The following SMAP2 variants were observed in gnomAD, a reference collection of about 807,000 sequenced individuals.
SMAP2 encodes the protein small ArfGAP2, also known as stromal membrane-associated protein 2.
SMAP2 carries 25 observed loss-of-function variants against 56.4 expected under a neutral mutation model. The ratio of observed to expected loss-of-function variants is 0.44; its 90% confidence interval spans 0.32 to 0.62. SMAP2 has a LOEUF of 0.62. SMAP2 is among the 20% of genes least tolerant of loss of function. The pLI is 0.04. For synonymous variants in SMAP2, 157 were observed against 181.7 expected (o/e 0.86, Z 1.09); for missense variants, 388 against 545.6 (o/e 0.71, Z 2.88).
Position 40,422,131 on chromosome 1 carries a change from C to A in SMAP2, c.*30C>A. On this transcript the variant is annotated 3_prime_UTR_variant, in exon 10 of 10. Coordinates refer to ENST00000372718, the MANE Select transcript of SMAP2 (RefSeq NM_022733.3). ...AAAACACCTGTATGGCTGCCATTCT[C>A]TTCAGCCCTCGCTCTCCCCTTTCCA... 6.2e-7 allele frequency: 1 copy of A among 1,611,898 alleles called. No homozygotes were observed. The highest frequency in any genetic ancestry group is 1.1e-5 in the South Asian group (1 of 90,902).
chr1:40,398,467 A>G (rs752275955), intron 1 of SMAP2, among the ~76,000 whole-genome samples: 1 of 152,202 alleles, frequency 6.6e-6, no homozygotes, highest in African/African-American at 2.4e-5. Flanking sequence ...TAAAATTACT[A>G]TATCATGGAG....
intron 1 of SMAP2, chr1:40,403,543 A>T (rs758380185): frequency 1.2e-3 from 507 of 411,978 alleles, no homozygotes; most frequent in Non-Finnish European, 1.6e-3. Context: ...GTGGTGTTGC[A>T]TAGAGTGTTG....
At chr1:40,418,799 C>A (rs892221663) in intron 9 of SMAP2, among the ~76,000 whole-genome samples, 1 of 152,158 alleles carries the variant, frequency 6.6e-6, no homozygotes, top group Non-Finnish European at 1.5e-5. Flanking sequence ...AAGTATTTTA[C>A]AACCAAGCCA....
chr1:40,409,672 C>A, intron 3 of SMAP2, 85 bp from the exon 4 acceptor site: 1 of 943,032 alleles, frequency 1.1e-6, no homozygotes, highest in Non-Finnish European at 1.7e-6. Flanking sequence ...AGGAGGAGAA[C>A]AATGCTCCGT....
At chr1:40,366,003 T>C (rs984269003) in intron 2 of SMAP2, among the ~76,000 whole-genome samples, 2 of 143,990 alleles carry the variant, frequency 1.4e-5, no homozygotes, top group Non-Finnish European at 3.1e-5. Context: ...AGAGAAGTGC[T>C]TAAAGGAGCT....
At chr1:40,346,661 C>A (rs2124148919) in intron 1 of SMAP2, among the ~76,000 whole-genome samples, 1 of 151,908 alleles carries the variant, frequency 6.6e-6, no homozygotes, top group African/African-American at 2.4e-5. Context: ...TGAGCCACTG[C>A]ACATAACCAA....
At chr1:40,406,966 A>G (rs1644891423) in intron 2 of SMAP2, 97 bp downstream of exon 2, 3 of 1,349,566 alleles carry the variant, frequency 2.2e-6, no homozygotes, top group Admixed American at 4.8e-5. Context: ...GTGAAGATAA[A>G]GGAAAATTTA....
intron 1 of SMAP2, among the ~76,000 whole-genome samples, chr1:40,352,824 G>A (rs535565173): frequency 2.6e-5 from 4 of 152,070 alleles, no homozygotes; most frequent in African/African-American, 4.8e-5. Context: ...CACCACACGC[G>A]GCGCCTCCTC....
chr1:40,405,247 G>T (rs1015393354), intron 1 of SMAP2, among the ~76,000 whole-genome samples: 1 of 152,138 alleles, frequency 6.6e-6, no homozygotes. Context: ...CCAGCACTTC[G>T]GGAGGCCAAA....
intron 1 of SMAP2, among the ~76,000 whole-genome samples, chr1:40,399,563 G>C (rs1042536839): frequency 2.0e-5 from 3 of 148,666 alleles, no homozygotes; most frequent in African/African-American, 7.5e-5. Flanking sequence ...TCAGCTGAGC[G>C]TGGTGGCTCA....
rs917660699 is a variant in SMAP2, at chr1:40,347,857, G to A, written c.-83+2947G>A. Reference sequence around the variant, plus strand: ...ATCTTTAAAAACATACATTAAATGTGTGTGTGTGTGTGTCTGTGTGTGAGA... The same window carrying A: ...ATCTTTAAAAACATACATTAAATGTATGTGTGTGTGTGTCTGTGTGTGAGA... On this transcript the variant is annotated intron_variant, in intron 1 of 6. Coordinates refer to the SMAP2 transcript ENST00000435168. 5.9e-5 allele frequency among the ~76,000 whole-genome samples: 9 copies of A among 152,252 alleles called. 1 individual carries two copies. In the South Asian group the frequency reaches 1.9e-3, roughly 32 times the overall value.
chr1:40,382,121 C>CT (rs957616836), intron 1 of SMAP2, among the ~76,000 whole-genome samples: 8 of 152,006 alleles, frequency 5.3e-5, no homozygotes, highest in Admixed American at 3.9e-4. Context: ...GGAAAACTAC[C>CT]TTTTTTCTGC....
intron 2 of SMAP2, among the ~76,000 whole-genome samples, chr1:40,366,045 C>G (rs1181367780): frequency 6.8e-6 from 1 of 147,604 alleles, no homozygotes; most frequent in Non-Finnish European, 1.5e-5. Context: ...TCGAGAACTA[C>G]GTGAAGAATG....
chr1:40,407,510 A>T (rs1163639116), intron 2 of SMAP2, among the ~76,000 whole-genome samples: 1 of 152,136 alleles, frequency 6.6e-6, no homozygotes, highest in Non-Finnish European at 1.5e-5. Flanking sequence ...ATAAATAAAA[A>T]TTCACTTTTT....
At position 40,375,811 on chromosome 1, in the gene SMAP2, A is replaced by G. The variant is rs891335770; in HGVS notation, c.103+1588A>G. 35 of 943,600 alleles carry G rather than the reference A, an allele frequency of 3.7e-5. No individual in the cohort carries two copies. In the African/African-American group the frequency reaches 6.7e-4, roughly 18 times the overall value. The allele number at this position is 943,600 out of a possible 1,614,324, so 58.5% of individuals were successfully genotyped here. ...TGCTGCATTTGGAGAGTCAGATGCC[A>G]TTTTGGTGACTAGAACCCCCCCCCC... On this transcript the variant is annotated intron_variant, in intron 1 of 9. Coordinates refer to ENST00000372718, the MANE Select transcript of SMAP2 (RefSeq NM_022733.3).
At chr1:40,393,563 T>TTTTC (rs1557835830) in intron 1 of SMAP2, 2 of 978,676 alleles carry the variant, frequency 2.0e-6, no homozygotes, top group South Asian at 1.5e-5. Flanking sequence ...TTTTTTTTTT[T>TTTTC]GTGACAGAGT....
chr1:40,364,935 T>G (rs772917168), intron 2 of SMAP2: 3 of 226,286 alleles, frequency 1.3e-5, no homozygotes, highest in Non-Finnish European at 2.8e-5. Flanking sequence ...GTAAGTTCCC[T>G]CCCCTGCTGA....
intron 1 of SMAP2, among the ~76,000 whole-genome samples, chr1:40,387,145 G>T (rs190980157): frequency 1.3e-5 from 2 of 152,116 alleles, no homozygotes; most frequent in Non-Finnish European, 2.9e-5. Flanking sequence ...CAACCACCAT[G>T]CCCGGCCTTA....
chr1:40,416,747 T>G (rs1464373794), intron 8 of SMAP2, 33 bp from the exon 9 acceptor site: 1 of 1,572,424 alleles, frequency 6.4e-7, no homozygotes, highest in South Asian at 1.2e-5. Flanking sequence ...TTTTTCCCTC[T>G]TTAACCAACC....
Sources: gnomAD v4.1 joint callset for allele counts (sites outside exome capture counted in the v4.1 genomes callset) on GRCh38, gnomAD v4.1.1 for gene constraint, MANE v1.5 for transcripts, NCBI Gene and HGNC (gene_info 2026-07-23, HGNC 2026-07-21) for gene names.